Variants in TENM3 observed in about 807,000 individuals in gnomAD.
TENM3 encodes teneurin transmembrane protein 3.
Under a neutral mutation model 255.1 loss-of-function variants are expected in TENM3, and 63 were observed. The ratio of observed to expected loss-of-function variants is 0.25; its 90% CI spans 0.20 to 0.30. The LOEUF (loss-of-function observed/expected upper bound fraction) is 0.30, where lower values mean the gene tolerates loss of function less well. Among genes scored for constraint, TENM3 ranks in the 10% least tolerant of loss-of-function variants. The pLI is 1.00. For missense variants in TENM3, 2,929 were observed against 3,461.1 expected (o/e 0.85, Z 3.86); for synonymous variants, 1,306 against 1,322.3 (o/e 0.99, Z 0.27).
the TENM3 span, among the ~76,000 whole-genome samples, chr4:181,548,469 T>C: frequency 6.6e-6 from 1 of 152,202 alleles, no homozygotes; most frequent in Non-Finnish European, 1.5e-5. Flanking sequence ...CACCATGGAA[T>C]ACTATGCAGC....
chr4:181,701,227 G>T, the TENM3 span, among the ~76,000 whole-genome samples: 1 of 152,198 alleles, frequency 6.6e-6, no homozygotes, highest in Admixed American at 6.5e-5. Flanking sequence ...AGTAATCGGT[G>T]TGTGTCACTT....
At position 182,346,998 on chromosome 4, in the gene TENM3, G is replaced by GGC; in HGVS notation, c.511+70_511+71insCG. ...CTGTCTGTTTTGGTTGACTCCGCGG[G>GGC]GGGGGATGTTTTTCTTTCTCTCCTT... On this transcript the variant is annotated intron_variant, in intron 3 of 27. Transcript: ENST00000511685. The GGC allele has an allele frequency of 9.6e-6, 11 of 1,147,778 alleles. 1 individual carries two copies. The highest frequency in any genetic ancestry group is 3.7e-5 in the South Asian group (2 of 53,486). 71.1% of individuals were successfully genotyped at this position (1,147,778 alleles called of 1,614,324 possible). A position where few individuals can be genotyped will look rare whatever the true frequency, so the allele number is the denominator to read the frequency against.
the TENM3 span, among the ~76,000 whole-genome samples, chr4:181,733,241 T>C: frequency 6.6e-6 from 1 of 152,178 alleles, no homozygotes; most frequent in African/African-American, 2.4e-5. Context: ...TAAATAGATA[T>C]AAACATACAT....
At chr4:182,292,833 G>T (rs1369953157) in intron 1 of TENM3, among the ~76,000 whole-genome samples, 3 of 152,206 alleles carry the variant, frequency 2.0e-5, no homozygotes, top group African/African-American at 7.2e-5. Flanking sequence ...GGCCCAGGTG[G>T]TTGCTGTCCA....
chr4:182,729,330 T>G (rs993132508), intron 14 of TENM3, 149 bp downstream of exon 14: 1 of 705,610 alleles, frequency 1.4e-6, no homozygotes, highest in African/African-American at 1.8e-5. Flanking sequence ...CACCAAACTT[T>G]GTATTTCAAG....
the TENM3 span, among the ~76,000 whole-genome samples, chr4:181,611,192 G>T: frequency 1.3e-5 from 2 of 152,156 alleles, no homozygotes; most frequent in Admixed American, 1.3e-4. Flanking sequence ...ACGTGGGAGA[G>T]CCCAGACGTT....
chr4:182,308,962 G>A (rs560898288), intron 1 of TENM3, among the ~76,000 whole-genome samples: 8 of 152,264 alleles, frequency 5.3e-5, no homozygotes, highest in African/African-American at 1.9e-4. Flanking sequence ...TAAGCACACA[G>A]ACCGCTAGCC....
At chr4:181,602,132 G>A in the TENM3 span, among the ~76,000 whole-genome samples, 1 of 152,060 alleles carries the variant, frequency 6.6e-6, no homozygotes, top group Non-Finnish European at 1.5e-5. Flanking sequence ...AAAGTGAAAA[G>A]CAACTAAAAC....
chr4:181,988,978 T>A, the TENM3 span, among the ~76,000 whole-genome samples: 10 of 152,090 alleles, frequency 6.6e-5, no homozygotes, highest in Non-Finnish European at 1.5e-4. Context: ...AGTTAAGACA[T>A]CTTTGCCTTA....
intron 3 of TENM3, among the ~76,000 whole-genome samples, chr4:182,489,756 T>C (rs1735099872): frequency 6.6e-6 from 1 of 151,944 alleles, no homozygotes; most frequent in Non-Finnish European, 1.5e-5. Flanking sequence ...CTTTCTTCCT[T>C]ACTCCTTCCC....
chr4:182,360,110 T>C lies in TENM3; in HGVS notation c.511+13181T>C, dbSNP rs1227518305. On this transcript the variant is annotated intron_variant, in intron 3 of 27. Coordinates refer to ENST00000511685, the MANE Select transcript of TENM3 (RefSeq NM_001080477.4). ...ATAGTTTGTTATAATTTGTGTTCTT[T>C]TACATTTGCTGAGGAGAGCTTTACT... 5.3e-5 allele frequency among the ~76,000 whole-genome samples: 8 copies of C among 149,654 alleles called. No homozygotes were observed. In the Admixed American group the frequency reaches 5.4e-4, roughly 10 times the overall value.
intron 3 of TENM3, among the ~76,000 whole-genome samples, chr4:182,457,428 A>C (rs992556013): frequency 3.9e-5 from 6 of 152,082 alleles, no homozygotes; most frequent in African/African-American, 1.4e-4. Context: ...TCATCTTCAG[A>C]ACAACTCATG....
At chr4:182,470,907 A>C (rs1733059225) in intron 3 of TENM3, among the ~76,000 whole-genome samples, 1 of 152,194 alleles carries the variant, frequency 6.6e-6, no homozygotes, top group Non-Finnish European at 1.5e-5. Context: ...GGTGTTCAGG[A>C]AATTAGATTT....
intron 3 of TENM3, among the ~76,000 whole-genome samples, chr4:182,351,977 AG>A (rs1765211673): frequency 1.3e-5 from 2 of 152,282 alleles, no homozygotes; most frequent in South Asian, 4.2e-4. Context: ...TATTTGTAAA[AG>A]GTGGAAAATT....
At chr4:181,455,891 T>C in the TENM3 span, among the ~76,000 whole-genome samples, 2 of 151,938 alleles carry the variant, frequency 1.3e-5, no homozygotes, top group Admixed American at 1.3e-4. Context: ...ATCAGCTATA[T>C]TAATAGCTTT....
At chr4:181,821,157 C>T in the TENM3 span, among the ~76,000 whole-genome samples, 22 of 152,298 alleles carry the variant, frequency 1.4e-4, no homozygotes, top group East Asian at 4.1e-3. Flanking sequence ...GCTGGACTAA[C>T]TGACTTCCCT....
At chr4:181,816,742 G>A in the TENM3 span, among the ~76,000 whole-genome samples, 1 of 152,068 alleles carries the variant, frequency 6.6e-6, no homozygotes, top group Non-Finnish European at 1.5e-5. Context: ...CCATCCACTA[G>A]GCCAAGAAGT....
In TENM3 at chr4:182,653,764, C is replaced by A. The variant is rs2152516409; in HGVS notation, c.989-7C>A. Reference sequence around the variant, plus strand: ...ATCTTTAAACAACTTGTGTTCTTTACCCCCAGCAATGCATCTCTTTGGCCT... The same window carrying A: ...ATCTTTAAACAACTTGTGTTCTTTAACCCCAGCAATGCATCTCTTTGGCCT... On this transcript the variant is annotated splice_region_variant and splice_polypyrimidine_tract_variant and intron_variant, in intron 5 of 27. Coordinates refer to ENST00000511685, the MANE Select transcript of TENM3 (RefSeq NM_001080477.4). 2 of 1,604,442 alleles carry A rather than the reference C, an allele frequency of 1.2e-6. No homozygotes were observed. The highest frequency in any genetic ancestry group is 1.1e-5 in the South Asian group (1 of 89,622).
At chr4:182,213,049 CA>C (rs1288562650) in intron 1 of TENM3, among the ~76,000 whole-genome samples, 9 of 152,162 alleles carry the variant, frequency 5.9e-5, no homozygotes, top group African/African-American at 2.2e-4. Flanking sequence ...AGGATTTACA[CA>C]TTGATTAGCA....
Sources: gnomAD v4.1 joint callset for allele counts (sites outside exome capture counted in the v4.1 genomes callset) on GRCh38, gnomAD v4.1.1 for gene constraint, MANE v1.5 for transcripts, NCBI Gene and HGNC (gene_info 2026-07-23, HGNC 2026-07-21) for gene names.